Variants in SV2B observed in about 807,000 individuals in gnomAD.
SV2B encodes solute carrier family 22 member B2.
SV2B carries 41 observed loss-of-function variants against 73.9 expected under a neutral mutation model. That is an observed-to-expected ratio of 0.56 (90% CI 0.43 to 0.72). The LOEUF is 0.72. Among genes scored for constraint, SV2B ranks in the 30% least tolerant of loss-of-function variants. The pLI is 0.00. For missense variants in SV2B, 764 were observed against 857.8 expected, an observed-to-expected ratio of 0.89 and a Z score of 1.37; for synonymous variants, 314 against 314.2, an observed-to-expected ratio of 1.00 and a Z score of 0.01.
In SV2B at chr15:91,121,294, A is replaced by T. The variant is rs1288149034; in HGVS notation, c.-392+20931A>T. On this transcript the variant is annotated intron_variant, in intron 1 of 12. Transcript: ENST00000394232. The surrounding 1 kb of genome is among the most constrained non-coding windows in gnomAD (Gnocchi z 4.4). ...GGCTGTACTTTAGAATCAAGTGAGAAATTTATTAATTTTCCCCCCTAACCC... is the reference window on the plus strand; with the variant it reads ...GGCTGTACTTTAGAATCAAGTGAGATATTTATTAATTTTCCCCCCTAACCC... Among the ~76,000 whole-genome samples the T allele has an allele frequency of 6.6e-6, 1 of 152,096 alleles. No homozygotes were observed. The highest frequency in any genetic ancestry group is 2.4e-5 in the African/African-American group (1 of 41,410).
chr15:91,228,126 T>A (rs1204194991), intron 2 of SV2B, among the ~76,000 whole-genome samples: 1 of 152,146 alleles, frequency 6.6e-6, no homozygotes, highest in Admixed American at 6.5e-5. Flanking sequence ...GCATAAAAAA[T>A]TGTCCCTGGG....
chr15:91,239,742 A>G lies in SV2B; in HGVS notation c.452-12077A>G, dbSNP rs1258418188. The stretch of plus-strand genomic sequence containing the variant: ...TCTGGTAACAATAGCTTTGAATCAT[A>G]AAGATACTCATTATTTATTGATCAA... On this transcript the variant is annotated intron_variant, in intron 2 of 12. Coordinates refer to ENST00000394232, the MANE Select transcript of SV2B (RefSeq NM_001323032.3). This position sits in a 1 kb window ranked among gnomAD's most constrained non-coding sequence, Gnocchi z 5.1. Among the ~76,000 whole-genome samples the G allele has an allele frequency of 6.6e-6, 1 of 152,216 alleles. No individual in the cohort carries two copies. Among genetic ancestry groups the G allele is most frequent in the East Asian group, 1.9e-4 (1 of 5,202 alleles).
rs2049269652 is a variant in SV2B, at chr15:91,296,958, TGTTGGGAGCACGCTCCTTCTGCCCGATC to T, written c.*4413_*4440del. On this transcript the variant is annotated 3_prime_UTR_variant, in exon 13 of 13. Coordinates refer to ENST00000394232, the MANE Select transcript of SV2B (RefSeq NM_001323032.3). ...TGGGAGCACGCTCATTCTGCCCGAT[TGTTGGGAGCACGCTCCTTCTGCCCGATC>T]GTTGGGCGCACGCTCCTTCTGCCCG... 1 of 117,094 alleles carries T rather than the reference TGTTGGGAGCACGCTCCTTCTGCCCGATC, an allele frequency of 8.5e-6. No homozygotes were observed. The highest frequency in any genetic ancestry group is 1.7e-5 in the Non-Finnish European group (1 of 58,454). The allele number at this position is 117,094 out of a possible 1,614,324, so 7.3% of individuals were successfully genotyped here. A position where few individuals can be genotyped will look rare whatever the true frequency, so the allele number is the denominator to read the frequency against.
In SV2B at chr15:91,281,106, A is replaced by G. The variant is rs1399534021; in HGVS notation, c.1374-622A>G. Among the ~76,000 whole-genome samples, 2 of 152,238 alleles carry G rather than the reference A, an allele frequency of 1.3e-5. No individual in the cohort carries two copies. Among genetic ancestry groups the G allele is most frequent in the Admixed American group, 6.5e-5 (1 of 15,278 alleles). On this transcript the variant is annotated intron_variant, in intron 9 of 12. Transcript: ENST00000394232. This position sits in a 1 kb window ranked among gnomAD's most constrained non-coding sequence, Gnocchi z 4.7. ...TGTTGTTACAAGCAGTGTTACAATG[A>G]AGATCAGTGAATGTATCTCTTTGAA...
chr15:91,158,705 T>TTCCCTTCC (rs2043594005), intron 1 of SV2B, among the ~76,000 whole-genome samples: 1 of 85,622 alleles, frequency 1.2e-5, no homozygotes, highest in African/African-American at 4.7e-5. Flanking sequence ...TCTTCTCTCC[T>TTCCCTTCC]CTCCTCTCCT....
In SV2B at chr15:91,258,625, C is replaced by T; in HGVS notation, c.918+71C>T. 1 of 1,602,230 alleles carries T rather than the reference C, an allele frequency of 6.2e-7. No individual in the cohort carries two copies. The highest frequency in any genetic ancestry group is 8.5e-7 in the Non-Finnish European group (1 of 1,173,996). ...CAGGAACCCAGCCTCGCTTCCTTCT[C>T]TCAGCTCCTAGTCCCACATCCTCTG... is the stretch of plus-strand genomic sequence containing the variant. On this transcript the variant is annotated intron_variant, in intron 5 of 12. Coordinates refer to ENST00000394232, the MANE Select transcript of SV2B (RefSeq NM_001323032.3). The surrounding 1 kb of genome is among the most constrained non-coding windows in gnomAD (Gnocchi z 4.7).
chr15:91,186,735 G>A (rs2044785250), intron 1 of SV2B, among the ~76,000 whole-genome samples: 1 of 152,064 alleles, frequency 6.6e-6, no homozygotes, highest in South Asian at 2.1e-4. Context: ...GGAGGTTGAG[G>A]GGTGAGAAAT....
At chr15:91,108,269 GACAT>G (rs1213791024) in intron 1 of SV2B, among the ~76,000 whole-genome samples, 2 of 152,194 alleles carry the variant, frequency 1.3e-5, no homozygotes, top group African/African-American at 4.8e-5. Flanking sequence ...TTATGGGCTA[GACAT>G]TTCAAGGTGC....
chr15:91,147,039 C>T (rs2043166686), intron 1 of SV2B, among the ~76,000 whole-genome samples: 1 of 152,232 alleles, frequency 6.6e-6, no homozygotes, highest in African/African-American at 2.4e-5. Flanking sequence ...TCCCATTAGA[C>T]TAAGATCCTT....
intron 1 of SV2B, among the ~76,000 whole-genome samples, chr15:91,221,383 G>A (rs892375062): frequency 2.0e-5 from 3 of 152,176 alleles, no homozygotes; most frequent in Middle Eastern, 3.4e-3. Flanking sequence ...ATTGGAACCT[G>A]GACCCTCTAA....
At chr15:91,161,766 G>T (rs72764752) in intron 1 of SV2B, among the ~76,000 whole-genome samples, 9,957 of 152,260 alleles carry the variant, frequency 0.065, 433 homozygotes, top group Non-Finnish European at 0.089. Flanking sequence ...TCTGCCTATA[G>T]GACAAACAAC....
intron 12 of SV2B, among the ~76,000 whole-genome samples, chr15:91,291,270 A>T (rs1319217308): frequency 6.6e-6 from 1 of 151,970 alleles, no homozygotes; most frequent in Non-Finnish European, 1.5e-5. Flanking sequence ...AGTTTATTTA[A>T]AAAAGGACAT....
At chr15:91,153,105 T>C (rs1258084637) in intron 1 of SV2B, among the ~76,000 whole-genome samples, 1 of 152,088 alleles carries the variant, frequency 6.6e-6, no homozygotes, top group Non-Finnish European at 1.5e-5. Context: ...TCTGTCCTTA[T>C]ATGGCAGGGG....
chr15:91,278,535 C>T lies in SV2B; in HGVS notation c.1374-3193C>T, dbSNP rs373102016. 4.0e-3 allele frequency among the ~76,000 whole-genome samples: 606 copies of T among 150,414 alleles called. 6 individuals are homozygous for T. Among genetic ancestry groups the T allele is most frequent in the African/African-American group, 0.014 (581 of 40,354 alleles). The stretch of plus-strand genomic sequence containing the variant: ...TACTAAAAAAATACAAAAAATTAGC[C>T]GGGCGCGGTGGCGGGTGCCTGTAGT... On this transcript the variant is annotated intron_variant, in intron 9 of 12. Coordinates refer to ENST00000394232, the MANE Select transcript of SV2B (RefSeq NM_001323032.3).
chr15:91,295,351 C>G lies in SV2B; in HGVS notation c.*2799C>G, dbSNP rs2049183765. The G allele has an allele frequency of 6.6e-6, 1 of 152,158 alleles. No individual in the cohort carries two copies. The highest frequency in any genetic ancestry group is 1.5e-5 in the Non-Finnish European group (1 of 68,038). 9.4% of individuals were successfully genotyped at this position (152,158 alleles called of 1,614,324 possible). A position where few individuals can be genotyped will look rare whatever the true frequency, so the allele number is the denominator to read the frequency against. On this transcript the variant is annotated 3_prime_UTR_variant, in exon 13 of 13. Coordinates refer to ENST00000394232, the MANE Select transcript of SV2B (RefSeq NM_001323032.3). ...GTCATGTAACAAGTAAACCCCAACCCAGCGTTCCCTCCTACGTTGTGTTAG... is the reference window on the plus strand; with the variant it reads ...GTCATGTAACAAGTAAACCCCAACCGAGCGTTCCCTCCTACGTTGTGTTAG...
chr15:91,102,560 GACAAAA>G (rs2041761213), intron 1 of SV2B, among the ~76,000 whole-genome samples: 1 of 152,138 alleles, frequency 6.6e-6, no homozygotes, highest in African/African-American at 2.4e-5. Context: ...GGAGAATACA[GACAAAA>G]ACAACCAAAA....
At chr15:91,201,557 G>C (rs540018103) in intron 1 of SV2B, among the ~76,000 whole-genome samples, 5 of 152,318 alleles carry the variant, frequency 3.3e-5, no homozygotes, top group African/African-American at 1.2e-4. Flanking sequence ...TCTGTTGCCT[G>C]TAATAGCTAA....
At chr15:91,101,329 T>C (rs2151710348) in intron 1 of SV2B, among the ~76,000 whole-genome samples, 1 of 152,254 alleles carries the variant, frequency 6.6e-6, no homozygotes, top group African/African-American at 2.4e-5. Context: ...GTGTTTCTGC[T>C]TCCTGCCCTT....
At chr15:91,182,588 A>G (rs1462233297) in intron 1 of SV2B, among the ~76,000 whole-genome samples, 1 of 152,094 alleles carries the variant, frequency 6.6e-6, no homozygotes, top group Non-Finnish European at 1.5e-5. Context: ...CCCACACTTT[A>G]CCAGGAGCCC....
Sources: gnomAD v4.1 joint callset for allele counts (sites outside exome capture counted in the v4.1 genomes callset) on GRCh38, gnomAD v4.1.1 for gene constraint, Gnocchi (gnomAD v3.1) non-coding constraint, MANE v1.5 for transcripts, NCBI Gene and HGNC (gene_info 2026-07-23, HGNC 2026-07-21) for gene names.